Variants in LYPD6 observed in about 807,000 individuals in gnomAD.
LYPD6 encodes ly6/PLAUR domain-containing protein 6.
Under a neutral mutation model 22.7 loss-of-function variants are expected in LYPD6, and 15 were observed. That is an observed-to-expected ratio of 0.66 (90% CI 0.44 to 1.02). The LOEUF (loss-of-function observed/expected upper bound fraction) is 1.02, where lower values mean the gene tolerates loss of function less well. Ranked by LOEUF, LYPD6 falls within the 50% of genes least tolerant of loss-of-function variation. The probability of loss-of-function intolerance (pLI) is 0.00; values close to 1 mark genes in which losing one functional copy is unlikely to be tolerated. For missense variants in LYPD6, 189 were observed against 208.4 expected, an observed-to-expected ratio of 0.91 and a Z score of 0.57; for synonymous variants, 72 against 77.5, an observed-to-expected ratio of 0.93 and a Z score of 0.37.
intron 1 of LYPD6, among the ~76,000 whole-genome samples, chr2:149,417,453 C>T (rs181982432): frequency 1.1e-4 from 16 of 152,174 alleles, no homozygotes; most frequent in Admixed American, 2.0e-4. Context: ...AAAAATTAAG[C>T]GTCTGAACTA....
At chr2:149,337,514 T>C (rs1156427054) in intron 1 of LYPD6, among the ~76,000 whole-genome samples, 1 of 152,174 alleles carries the variant, frequency 6.6e-6, no homozygotes, top group Non-Finnish European at 1.5e-5. Flanking sequence ...GCTGGTGTTT[T>C]GTTTCTTTCC....
chr2:149,350,634 A>G (rs1047986539), intron 1 of LYPD6, among the ~76,000 whole-genome samples: 2 of 152,210 alleles, frequency 1.3e-5, no homozygotes, highest in Admixed American at 6.5e-5. Context: ...GTACTTTCCA[A>G]TACGTGGGTA....
chr2:149,401,762 C>T (rs1229935596), intron 1 of LYPD6, among the ~76,000 whole-genome samples: 1 of 152,014 alleles, frequency 6.6e-6, no homozygotes, highest in Admixed American at 6.6e-5. Context: ...TGTTTGGTTA[C>T]ATGAATAAGT....
At chr2:149,416,334 T>C (rs1343787727) in intron 1 of LYPD6, among the ~76,000 whole-genome samples, 1 of 152,194 alleles carries the variant, frequency 6.6e-6, no homozygotes, top group Non-Finnish European at 1.5e-5. Context: ...TTTGTAGTCA[T>C]GCCCTTCAGA....
intron 1 of LYPD6, among the ~76,000 whole-genome samples, chr2:149,429,610 T>C (rs1419281899): frequency 6.6e-6 from 1 of 152,240 alleles, no homozygotes; most frequent in African/African-American, 2.4e-5. Context: ...CTGTAGCTGC[T>C]TTGCAAGTCA....
rs552218456 is a variant in LYPD6 at position 149,415,673 on chromosome 2, C to G, written c.-71-21965C>G. On this transcript the variant is annotated intron_variant, in intron 1 of 4. Transcript: ENST00000334166. ...GTAGGCCTTACACTAAACTGTAATT[C>G]TTTTTTTCTTGGAGACAGGGTTTCA... Among the ~76,000 whole-genome samples, 21 of 151,982 alleles carry G rather than the reference C, an allele frequency of 1.4e-4. No homozygotes were observed. The South Asian group carries it at 4.4e-3, about 32-fold the overall frequency.
chr2:149,423,972 C>G (rs535979869), intron 1 of LYPD6, among the ~76,000 whole-genome samples: 11 of 138,144 alleles, frequency 8.0e-5, no homozygotes, highest in African/African-American at 3.2e-4. Flanking sequence ...TTTGCTGGTC[C>G]AATCCAGCCC....
chr2:149,470,432 G>C (rs1218626254), intron 4 of LYPD6, among the ~76,000 whole-genome samples: 1 of 152,164 alleles, frequency 6.6e-6, no homozygotes, highest in African/African-American at 2.4e-5. Context: ...TGTAAGAATC[G>C]TATGGGTGGA....
intron 1 of LYPD6, among the ~76,000 whole-genome samples, chr2:149,354,100 G>A (rs761860862): frequency 7.9e-5 from 12 of 152,112 alleles, no homozygotes; most frequent in Admixed American, 2.6e-4. Context: ...CCTTCCTCCC[G>A]CATTGGGTTG....
intron 3 of LYPD6, among the ~76,000 whole-genome samples, chr2:149,465,933 C>G (rs1322159198): frequency 6.6e-6 from 1 of 152,172 alleles, no homozygotes; most frequent in Non-Finnish European, 1.5e-5. Flanking sequence ...CAGAAACTAA[C>G]CTGGTGGAAA....
At chr2:149,380,700 A>G (rs1682040842) in intron 1 of LYPD6, among the ~76,000 whole-genome samples, 1 of 152,230 alleles carries the variant, frequency 6.6e-6, no homozygotes, top group South Asian at 2.1e-4. Context: ...ATGCAACTCA[A>G]TGAAGACATC....
chr2:149,426,308 C>G (rs1366383378), intron 1 of LYPD6, among the ~76,000 whole-genome samples: 1 of 152,108 alleles, frequency 6.6e-6, no homozygotes, highest in Non-Finnish European at 1.5e-5. Flanking sequence ...AATATTTGGT[C>G]AGGATTCTTG....
At chr2:149,342,336 T>C (rs2105050163) in intron 1 of LYPD6, among the ~76,000 whole-genome samples, 1 of 152,334 alleles carries the variant, frequency 6.6e-6, no homozygotes, top group East Asian at 1.9e-4. Flanking sequence ...AATTTCTATT[T>C]TTAAAATATA....
intron 1 of LYPD6, chr2:149,367,691 G>T (rs756227450): frequency 1.3e-5 from 2 of 152,260 alleles, no homozygotes; most frequent in African/African-American, 2.4e-5. Context: ...GGATTGTGGA[G>T]CCCTGGGCTA....
chr2:149,465,756 C>A (rs138259486), intron 3 of LYPD6, among the ~76,000 whole-genome samples: 5 of 152,288 alleles, frequency 3.3e-5, no homozygotes, highest in African/African-American at 4.8e-5. Context: ...TGTGTGCATG[C>A]GTGCACATGG....
intron 1 of LYPD6, among the ~76,000 whole-genome samples, chr2:149,436,788 G>T (rs372330650): frequency 8.5e-4 from 130 of 152,240 alleles, no homozygotes; most frequent in African/African-American, 2.8e-3. Flanking sequence ...TCACTGTATT[G>T]GCCAGGCTGG....
chr2:149,361,727 G>A (rs990532358), intron 1 of LYPD6, among the ~76,000 whole-genome samples: 16 of 152,178 alleles, frequency 1.1e-4, no homozygotes, highest in Admixed American at 1.0e-3. Context: ...CTTGGTACCT[G>A]TGGTAAATTG....
intron 3 of LYPD6, among the ~76,000 whole-genome samples, chr2:149,467,874 C>T (rs1681236506): frequency 6.6e-6 from 1 of 151,938 alleles, no homozygotes; most frequent in South Asian, 2.1e-4. Flanking sequence ...ATTAAAAGTT[C>T]CCCCAAAGAA....
chr2:149,378,566 C>T (rs1048289876), intron 1 of LYPD6, among the ~76,000 whole-genome samples: 1 of 152,288 alleles, frequency 6.6e-6, no homozygotes, highest in Admixed American at 6.5e-5. Context: ...CTGTAAGGTG[C>T]TATGTGGTTC....
Sources: allele counts gnomAD v4.1 joint callset (sites outside exome capture counted in the v4.1 genomes callset), GRCh38; gene constraint gnomAD v4.1.1; transcripts MANE v1.5; gene names NCBI Gene and HGNC (gene_info 2026-07-23, HGNC 2026-07-21).